The following COX10 variants were observed in gnomAD, a reference collection of about 807,000 sequenced individuals.
COX10 encodes the protein protoheme IX farnesyltransferase, mitochondrial.
COX10 carries 27 observed loss-of-function variants against 37.3 expected under a neutral mutation model. That is an observed-to-expected ratio of 0.72 (90% CI 0.53 to 1.00). The LOEUF (loss-of-function observed/expected upper bound fraction) is 1.00, where lower values mean the gene tolerates loss of function less well. Among genes scored for constraint, COX10 ranks in the 50% least tolerant of loss-of-function variants. The pLI is 0.00. For missense variants in COX10, 475 were observed against 563.2 expected, an observed-to-expected ratio of 0.84 and a Z score of 1.59; for synonymous variants, 222 against 229.1, an observed-to-expected ratio of 0.97 and a Z score of 0.28.
chr17:14,188,102 CTTTTTTTTTT>C (rs1157321131), intron 5 of COX10, among the ~76,000 whole-genome samples: 2 of 123,660 alleles, frequency 1.6e-5, no homozygotes, highest in Non-Finnish European at 3.3e-5. Flanking sequence ...CCTTCTTCTT[CTTTTTTTTTT>C]TTTTTTTTTG....
intron 5 of COX10, among the ~76,000 whole-genome samples, chr17:14,187,355 G>A (rs1906065136): frequency 6.6e-6 from 1 of 152,106 alleles, no homozygotes; most frequent in Non-Finnish European, 1.5e-5. Context: ...AAAGTATATT[G>A]GTTGAATTAA....
At chr17:14,193,847 T>G (rs1193705262) in intron 6 of COX10, among the ~76,000 whole-genome samples, 2 of 150,450 alleles carry the variant, frequency 1.3e-5, no homozygotes, top group East Asian at 3.9e-4. Context: ...TTATAGTGAT[T>G]GTGCAGACAT....
At chr17:14,182,389 A>G (rs1905895369) in intron 5 of COX10, 1 of 866,566 alleles carries the variant, frequency 1.2e-6, no homozygotes, top group Non-Finnish European at 1.4e-6. Context: ...TATTCTTCGC[A>G]TTTCTTTTAA....
chr17:14,174,316 A>G (rs926797268), intron 5 of COX10, among the ~76,000 whole-genome samples: 8 of 151,958 alleles, frequency 5.3e-5, no homozygotes, highest in African/African-American at 1.9e-4. Flanking sequence ...TTAAAAAATT[A>G]GGTATGGTGG....
intron 4 of COX10, among the ~76,000 whole-genome samples, chr17:14,110,102 G>A (rs889683093): frequency 9.2e-5 from 14 of 151,988 alleles, no homozygotes; most frequent in African/African-American, 3.4e-4. Flanking sequence ...CTTTATTTTG[G>A]AGAAAATTAC....
rs199984021 is a variant in COX10, at chr17:14,170,601, G to A, written c.695+10654G>A. Among the ~76,000 whole-genome samples the A allele has an allele frequency of 3.9e-4, 59 of 152,282 alleles. No homozygotes were observed. The East Asian group carries it at 7.2e-3, about 18-fold the overall frequency. ...AGGCAAAGGTGGGCAGATCGCTTGA[G>A]GCCAGCAGTTTGAGACCAGCCTGAG... On this transcript the variant is annotated intron_variant, in intron 5 of 6. Coordinates refer to ENST00000261643, the MANE Select transcript of COX10 (RefSeq NM_001303.4).
chr17:14,160,657 C>T (rs1453387320), intron 5 of COX10, among the ~76,000 whole-genome samples: 3 of 152,078 alleles, frequency 2.0e-5, no homozygotes, highest in African/African-American at 7.2e-5. Context: ...CAAATGATCA[C>T]ACATATTTAA....
chr17:14,111,364 G>T (rs1390183428), intron 4 of COX10, among the ~76,000 whole-genome samples: 1 of 152,120 alleles, frequency 6.6e-6, no homozygotes, highest in African/African-American at 2.4e-5. Flanking sequence ...GGGGAACAAA[G>T]AAATTCTAAA....
chr17:14,087,162 A>G (rs926803888), intron 3 of COX10, among the ~76,000 whole-genome samples: 17 of 152,254 alleles, frequency 1.1e-4, no homozygotes, highest in African/African-American at 3.9e-4. Flanking sequence ...AATAAGGTGC[A>G]GGTGGCTGAC....
At chr17:14,152,400 T>C (rs1277567670) in intron 4 of COX10, among the ~76,000 whole-genome samples, 1 of 152,164 alleles carries the variant, frequency 6.6e-6, no homozygotes, top group East Asian at 1.9e-4. Context: ...TATTCACTAC[T>C]ACAAGAACAG....
chr17:14,200,643 C>T (rs1567613707), intron 6 of COX10, among the ~76,000 whole-genome samples: 1 of 152,200 alleles, frequency 6.6e-6, no homozygotes, highest in Non-Finnish European at 1.5e-5. Context: ...CTGCCGTGCT[C>T]TGGAGAGCCA....
At chr17:14,125,146 C>T (rs762989088) in intron 4 of COX10, among the ~76,000 whole-genome samples, 46 of 152,178 alleles carry the variant, frequency 3.0e-4, no homozygotes, top group Non-Finnish European at 4.6e-4. Context: ...GGTAAAATAA[C>T]GACAGGAAAG....
chr17:14,153,488 A>G (rs964191676), intron 4 of COX10, among the ~76,000 whole-genome samples: 1 of 152,208 alleles, frequency 6.6e-6, no homozygotes, highest in Non-Finnish European at 1.5e-5. Flanking sequence ...AAGCATTTAT[A>G]ACTGTTCTAG....
intron 5 of COX10, among the ~76,000 whole-genome samples, chr17:14,160,765 T>C (rs1185985013): frequency 1.3e-5 from 2 of 152,202 alleles, no homozygotes; most frequent in Non-Finnish European, 2.9e-5. Context: ...TCAATGAATT[T>C]AAAATATCAT....
chr17:14,190,355 G>C (rs2142262086), intron 5 of COX10, among the ~76,000 whole-genome samples: 1 of 152,230 alleles, frequency 6.6e-6, no homozygotes, highest in Non-Finnish European at 1.5e-5. Flanking sequence ...ATGGATTATT[G>C]AGGGTGCCTG....
At chr17:14,139,508 T>C (rs1904478374) in intron 4 of COX10, among the ~76,000 whole-genome samples, 1 of 152,182 alleles carries the variant, frequency 6.6e-6, no homozygotes, top group Non-Finnish European at 1.5e-5. Context: ...TTTTATAATT[T>C]TATTATTGAA....
At chr17:14,192,399 C>T (rs989626440) in intron 6 of COX10, among the ~76,000 whole-genome samples, 178 bp downstream of exon 6, 21 of 152,170 alleles carry the variant, frequency 1.4e-4, no homozygotes, top group Admixed American at 1.4e-3. Context: ...CCGTGTCATC[C>T]TGGCTGGTGG....
At chr17:14,176,798 T>A (rs536706516) in intron 5 of COX10, among the ~76,000 whole-genome samples, 15 of 152,072 alleles carry the variant, frequency 9.9e-5, no homozygotes, top group African/African-American at 2.6e-4. Context: ...TGGTGCTGCT[T>A]GCCTGTTTGT....
chr17:14,206,245 G>T (rs994757361), intron 6 of COX10, among the ~76,000 whole-genome samples: 1 of 152,130 alleles, frequency 6.6e-6, no homozygotes, highest in African/African-American at 2.4e-5. Context: ...AGGGAGCCAG[G>T]GCTCACAGAA....
Sources: allele counts gnomAD v4.1 joint callset (sites outside exome capture counted in the v4.1 genomes callset), GRCh38; gene constraint gnomAD v4.1.1; transcripts MANE v1.5; gene names NCBI Gene and HGNC (gene_info 2026-07-23, HGNC 2026-07-21).